ANKMY1: variants seen among roughly 807,000 people sequenced by gnomAD.
The protein encoded by ANKMY1 is ankyrin repeat and MYND domain containing 1.
In ANKMY1, 98 loss-of-function variants were observed where a neutral mutation model predicts 102.0. The observed-to-expected ratio is 0.96, with a 90% CI of 0.82 to 1.14. The LOEUF is 1.14. ANKMY1 is among the 50% of genes most tolerant of loss of function. ANKMY1 has a pLI of 0.00. For missense variants in ANKMY1, 1,330 were observed against 1,347.6 expected, an observed-to-expected ratio of 0.99 and a Z score of 0.20; for synonymous variants, 582 against 559.9, an observed-to-expected ratio of 1.04 and a Z score of -0.56.
intron 5 of ANKMY1, 196 bp from the exon 6 acceptor site, chr2:240,526,641 C>G (rs2083485330): frequency 7.0e-7 from 1 of 1,437,504 alleles, no homozygotes; most frequent in African/African-American, 1.4e-5. Context: ...CACGGTGGTG[C>G]AGACATGCCA....
intron 2 of ANKMY1, chr2:240,555,505 C>T: frequency 5.5e-6 from 1 of 180,248 alleles, no homozygotes; most frequent in Non-Finnish European, 1.2e-5. Flanking sequence ...GGTCGGAAGG[C>T]AGCTCGAGAG....
chr2:240,513,407 C>G (rs576846410), intron 9 of ANKMY1, among the ~76,000 whole-genome samples: 1 of 152,236 alleles, frequency 6.6e-6, no homozygotes, highest in African/African-American at 2.4e-5. Flanking sequence ...GCAGCAGTGA[C>G]GCAGAGGTGT....
At chr2:240,551,154 T>G (rs1233241397) in intron 4 of ANKMY1, among the ~76,000 whole-genome samples, 5 of 124,928 alleles carry the variant, frequency 4.0e-5, no homozygotes, top group East Asian at 4.0e-4. Context: ...CTTTTTATGT[T>G]TTTTTTTTTT....
chr2:240,527,606 GA>G (rs2083964878), intron 5 of ANKMY1: 1 of 150,910 alleles, frequency 6.6e-6, no homozygotes, highest in South Asian at 2.1e-4. Context: ...TGGATGGCTG[GA>G]TAAATGGATG....
At chr2:240,502,412 T>C (rs967651944) in intron 13 of ANKMY1, among the ~76,000 whole-genome samples, 1 of 152,030 alleles carries the variant, frequency 6.6e-6, no homozygotes, top group African/African-American at 2.4e-5. Context: ...ACATCATTCC[T>C]GGGAACCTCT....
chr2:240,487,925 T>C (rs2076239245), intron 15 of ANKMY1, among the ~76,000 whole-genome samples: 1 of 152,202 alleles, frequency 6.6e-6, no homozygotes, highest in African/African-American at 2.4e-5. Flanking sequence ...ATTCACCAGG[T>C]TCTCTTCACT....
chr2:240,525,219 C>T (rs1218622727), intron 7 of ANKMY1, among the ~76,000 whole-genome samples: 1 of 152,282 alleles, frequency 6.6e-6, no homozygotes. Flanking sequence ...AGCTCCTCAG[C>T]TGCAGCACCC....
chr2:240,491,699 G>A (rs974342901), intron 15 of ANKMY1, among the ~76,000 whole-genome samples: 9 of 152,058 alleles, frequency 5.9e-5, no homozygotes, highest in East Asian at 1.9e-4. Context: ...TTCTTGGGTG[G>A]CAGCGTTTTT....
At chr2:240,491,935 T>G (rs962846144) in intron 15 of ANKMY1, among the ~76,000 whole-genome samples, 3 of 152,184 alleles carry the variant, frequency 2.0e-5, no homozygotes, top group Admixed American at 6.5e-5. Context: ...TTCCTTTATC[T>G]GACTGTCTAT....
intron 10 of ANKMY1, 130 bp from the exon 11 acceptor site, chr2:240,512,131 G>A (rs1175299981): frequency 4.3e-6 from 5 of 1,163,036 alleles, no homozygotes; most frequent in Admixed American, 3.8e-5. Context: ...CCTCTTGAAG[G>A]CGGATGCCTG....
chr2:240,548,676 C>G (rs932542294), intron 4 of ANKMY1, among the ~76,000 whole-genome samples: 2 of 151,606 alleles, frequency 1.3e-5, no homozygotes, highest in African/African-American at 4.9e-5. Flanking sequence ...TCTCAGGATA[C>G]AAAATCAATG....
downstream of ANKMY1, among the ~76,000 whole-genome samples, chr2:240,474,634 C>A (rs762998317): frequency 1.2e-4 from 19 of 152,158 alleles, no homozygotes; most frequent in Non-Finnish European, 2.1e-4. Context: ...ATGTTTTAAT[C>A]ATTTAGATCC....
intron 7 of ANKMY1, 131 bp from the exon 8 acceptor site, chr2:240,524,512 G>A: frequency 9.6e-7 from 1 of 1,045,294 alleles, no homozygotes; most frequent in South Asian, 1.7e-5. Flanking sequence ...AAAAGACCAG[G>A]GCAGCTTTCC....
chr2:240,525,627 A>G (rs2083202720), intron 7 of ANKMY1, 58 bp downstream of exon 7: 1 of 1,568,588 alleles, frequency 6.4e-7, no homozygotes, highest in Admixed American at 1.8e-5. Context: ...GGACATTTAC[A>G]GAGACAGAGA....
chr2:240,530,878 A>G (rs1342223525), intron 4 of ANKMY1, among the ~76,000 whole-genome samples: 1 of 151,982 alleles, frequency 6.6e-6, no homozygotes, highest in Non-Finnish European at 1.5e-5. Context: ...ACACCACTGC[A>G]CTCCAGCCTG....
chr2:240,517,041 T>C (rs4676353), intron 9 of ANKMY1, among the ~76,000 whole-genome samples: 149,818 of 152,358 alleles, frequency 0.98, 73,668 homozygotes, highest in East Asian at 1. Context: ...TTCTCTGTCT[T>C]CCTGACTTCT....
intron 1 of ANKMY1, 33 bp downstream of exon 1, chr2:240,557,848 C>G (rs2092566853): frequency 1.0e-6 from 1 of 982,966 alleles, no homozygotes. Context: ...CCCCCTAGCC[C>G]CGGCTCCCAG....
chr2:240,496,014 A>G (rs1227960648), intron 15 of ANKMY1, among the ~76,000 whole-genome samples: 2 of 152,230 alleles, frequency 1.3e-5, no homozygotes, highest in Non-Finnish European at 2.9e-5. Context: ...ACTAAGTGGA[A>G]GAAGTGGGCA....
intron 13 of ANKMY1, among the ~76,000 whole-genome samples, chr2:240,501,691 G>A (rs1053112728): frequency 1.3e-5 from 2 of 152,222 alleles, no homozygotes; most frequent in Admixed American, 6.5e-5. Flanking sequence ...TGAGCACAAC[G>A]CCTCGGGCAT....
Sources: allele counts gnomAD v4.1 joint callset (sites outside exome capture counted in the v4.1 genomes callset), GRCh38; gene constraint gnomAD v4.1.1; transcripts MANE v1.5; gene names NCBI Gene and HGNC (gene_info 2026-07-23, HGNC 2026-07-21).